ACTR3C: variants seen among roughly 807,000 people sequenced by gnomAD.
The protein encoded by ACTR3C is actin related protein 3C, also known as actin-related protein 3C.
In ACTR3C, 18 loss-of-function variants were observed where a neutral mutation model predicts 26.3. The ratio of observed to expected loss-of-function variants is 0.68; its 90% confidence interval spans 0.47 to 1.01. ACTR3C has a LOEUF of 1.01. Among genes scored for constraint, ACTR3C ranks in the 50% least tolerant of loss-of-function variants. The probability of loss-of-function intolerance (pLI) is 0.00; values close to 1 mark genes in which losing one functional copy is unlikely to be tolerated. For missense variants in ACTR3C, 184 were observed against 250.7 expected (o/e 0.73, Z 1.80); for synonymous variants, 55 against 94.5 (o/e 0.58, Z 2.42).
the ACTR3C span, among the ~76,000 whole-genome samples, chr7:150,151,067 A>T: frequency 1.1e-5 from 1 of 92,460 alleles, no homozygotes; most frequent in Non-Finnish European, 2.1e-5. Flanking sequence ...TTTTCCTTCT[A>T]ATTATTTTTT....
At chr7:149,930,310 A>C in the ACTR3C span, among the ~76,000 whole-genome samples, 2 of 152,244 alleles carry the variant, frequency 1.3e-5, no homozygotes, top group African/African-American at 2.4e-5. Flanking sequence ...GAAAGTACGC[A>C]TTCAAGTATT....
intron 6 of ACTR3C, among the ~76,000 whole-genome samples, chr7:150,249,674 C>G (rs1194457428): frequency 2.0e-5 from 3 of 152,132 alleles, no homozygotes; most frequent in Non-Finnish European, 4.4e-5. Context: ...AGGCTCGTCT[C>G]GAACTCCTGA....
intron 4 of ACTR3C, among the ~76,000 whole-genome samples, chr7:150,287,310 C>CG (rs1317014054): frequency 1.3e-5 from 2 of 151,982 alleles, no homozygotes; most frequent in African/African-American, 4.8e-5. Context: ...TGATAGGTCC[C>CG]GGGGAAGAAA....
intron 1 of ACTR3C, among the ~76,000 whole-genome samples, chr7:150,303,460 G>T (rs1464178315): frequency 3.3e-5 from 5 of 152,136 alleles, no homozygotes; most frequent in African/African-American, 1.2e-4. Flanking sequence ...TTAAACTACT[G>T]CTTTTATACT....
At chr7:150,206,586 T>A in the ACTR3C span, among the ~76,000 whole-genome samples, 2 of 152,040 alleles carry the variant, frequency 1.3e-5, no homozygotes, top group African/African-American at 4.8e-5. Flanking sequence ...GATAATTTTT[T>A]TTTTTTTGTA....
At chr7:149,918,621 C>T in the ACTR3C span, among the ~76,000 whole-genome samples, 6 of 152,096 alleles carry the variant, frequency 3.9e-5, no homozygotes, top group African/African-American at 1.2e-4. Context: ...ACCCAGGAGG[C>T]GGAGGTTGCA....
the ACTR3C span, among the ~76,000 whole-genome samples, chr7:150,112,035 C>T: frequency 1.3e-5 from 2 of 150,598 alleles, no homozygotes; most frequent in Admixed American, 6.6e-5. Context: ...TCATTTATTC[C>T]TCCGACTCAC....
chr7:150,034,594 G>A, the ACTR3C span, among the ~76,000 whole-genome samples: 1 of 151,656 alleles, frequency 6.6e-6, no homozygotes, highest in Non-Finnish European at 1.5e-5. Flanking sequence ...TTAAGCTCCG[G>A]TAGATTGCAA....
the ACTR3C span, among the ~76,000 whole-genome samples, chr7:149,969,002 G>T: frequency 1.6e-4 from 25 of 151,840 alleles, no homozygotes; most frequent in Non-Finnish European, 2.9e-4. Context: ...CCTTATCTTT[G>T]TGTTAATAGG....
the ACTR3C span, among the ~76,000 whole-genome samples, chr7:150,173,146 G>C: frequency 2.7e-5 from 4 of 150,376 alleles, no homozygotes; most frequent in Non-Finnish European, 2.9e-5. Flanking sequence ...ACTCTGTGTG[G>C]GGGCTCCGAT....
At chr7:150,038,972 C>A in the ACTR3C span, among the ~76,000 whole-genome samples, 1 of 98,742 alleles carries the variant, frequency 1.0e-5, no homozygotes, top group African/African-American at 3.6e-5. Flanking sequence ...GGGTGCCTCC[C>A]CCTCCTGCGA....
the ACTR3C span, among the ~76,000 whole-genome samples, chr7:149,917,678 C>G: frequency 7.1e-6 from 1 of 141,522 alleles, no homozygotes; most frequent in Non-Finnish European, 1.5e-5. Context: ...ACTCTGTCAC[C>G]CAGGCTGGAG....
the ACTR3C span, among the ~76,000 whole-genome samples, chr7:150,227,653 T>C: frequency 6.6e-6 from 1 of 151,274 alleles, no homozygotes; most frequent in Non-Finnish European, 1.5e-5. Context: ...ACATTTTCAG[T>C]TAATTTTCAT....
At position 150,286,487 on chromosome 7, in the gene ACTR3C, A is replaced by G. The variant is rs777447287; in HGVS notation, c.351T>C (p.Asp117=). ...PDIVKEFAKY[D]VDPQKWIKQY... ...GTTTGATCCACTTCTGGGGATCCAC[A>G]TCATACTTGGCAAATTCCTTGACTA... is the stretch of plus-strand genomic sequence containing the variant. Residue 117 remains aspartate, a synonymous_variant, in exon 5 of 8, where the codon GAT becomes GAC. Transcript: ENST00000683684. The G allele has an allele frequency of 5.0e-6, 8 of 1,611,608 alleles. No homozygotes were observed. The highest frequency in any genetic ancestry group is 6.8e-6 in the Non-Finnish European group (8 of 1,179,838).
chr7:149,907,515 A>C, the ACTR3C span, among the ~76,000 whole-genome samples: 46 of 53,882 alleles, frequency 8.5e-4, no homozygotes, highest in Non-Finnish European at 1.4e-3. Context: ...TCTCTCTCTC[A>C]ACAAACTCAG....
At chr7:150,198,992 C>T in the ACTR3C span, among the ~76,000 whole-genome samples, 1 of 125,546 alleles carries the variant, frequency 8.0e-6, no homozygotes, top group Non-Finnish European at 1.6e-5. Context: ...GGGGGGTCAG[C>T]CCCCCTGCCC....
At chr7:150,128,354 G>A in the ACTR3C span, among the ~76,000 whole-genome samples, 2 of 152,182 alleles carry the variant, frequency 1.3e-5, no homozygotes, top group Non-Finnish European at 2.9e-5. Flanking sequence ...CCAGCTCAGT[G>A]ACCTCACATA....
At chr7:150,069,435 T>C in the ACTR3C span, among the ~76,000 whole-genome samples, 2 of 152,054 alleles carry the variant, frequency 1.3e-5, no homozygotes, top group African/African-American at 4.8e-5. Flanking sequence ...GTTTGCAAGA[T>C]TAGAATTAAA....
chr7:150,085,616 A>C, the ACTR3C span, among the ~76,000 whole-genome samples: 1 of 152,188 alleles, frequency 6.6e-6, no homozygotes, highest in Non-Finnish European at 1.5e-5. Context: ...CAAGTATGTC[A>C]ATGGGAAAAC....
Sources: gnomAD v4.1 joint callset for allele counts (sites outside exome capture counted in the v4.1 genomes callset) on GRCh38, gnomAD v4.1.1 for gene constraint, MANE v1.5 for transcripts, NCBI Gene and HGNC (gene_info 2026-07-23, HGNC 2026-07-21) for gene names.